The following CHD9 variants were observed in gnomAD, a reference collection of about 807,000 sequenced individuals.
CHD9 encodes the protein chromodomain helicase DNA binding protein 9, also known as ATP-dependent chromatin remodeler CHD9.
A neutral mutation model predicts 316.1 loss-of-function variants in CHD9; 77 were observed. The ratio of observed to expected loss-of-function variants is 0.24; its 90% CI spans 0.20 to 0.29. CHD9 has a LOEUF of 0.29. Among genes scored for constraint, CHD9 ranks in the 10% least tolerant of loss-of-function variants. The probability of loss-of-function intolerance (pLI) is 1.00; values close to 1 mark genes in which losing one functional copy is unlikely to be tolerated. For missense variants in CHD9, 2,763 were observed against 3,438.1 expected (o/e 0.80, Z 4.91); for synonymous variants, 1,129 against 1,158.3 (o/e 0.97, Z 0.51).
chr16:53,219,662 G>A (rs1364275154), intron 3 of CHD9, among the ~76,000 whole-genome samples: 2 of 152,172 alleles, frequency 1.3e-5, no homozygotes, highest in Non-Finnish European at 2.9e-5. Flanking sequence ...TGTTGGATTT[G>A]CCATTTTAAA....
intron 1 of CHD9, among the ~76,000 whole-genome samples, chr16:53,073,029 G>A (rs1406846560): frequency 6.6e-6 from 1 of 152,140 alleles, no homozygotes; most frequent in Non-Finnish European, 1.5e-5. Flanking sequence ...ATGGTTCTGT[G>A]ATATTAAATA....
At chr16:53,109,069 C>G (rs1413961300) in intron 1 of CHD9, among the ~76,000 whole-genome samples, 1 of 152,042 alleles carries the variant, frequency 6.6e-6, no homozygotes, top group African/African-American at 2.4e-5. Context: ...TCTGGATTGC[C>G]ACTGCTGGAA....
At chr16:53,143,353 TC>T (rs1319985784) in intron 1 of CHD9, among the ~76,000 whole-genome samples, 2 of 143,598 alleles carry the variant, frequency 1.4e-5, no homozygotes, top group African/African-American at 5.2e-5. Flanking sequence ...TTTTATTTTA[TC>T]TTATTTTATT....
Position 53,326,897 on chromosome 16 carries a change from T to C in CHD9, c.*2002T>C, listed in dbSNP as rs755744225. On this transcript the variant is annotated 3_prime_UTR_variant, in exon 39 of 39. Coordinates refer to ENST00000447540, the MANE Select transcript of CHD9 (RefSeq NM_001308319.2). ...AAAAAAAAAAAAAGGAAAAAAAATCTGTAGATCTTGTCACTAAAATCTAAT... is the reference window on the plus strand; with the variant it reads ...AAAAAAAAAAAAAGGAAAAAAAATCCGTAGATCTTGTCACTAAAATCTAAT... 2.0e-5 allele frequency: 3 copies of C among 151,930 alleles called. No homozygotes were observed. Among genetic ancestry groups the C allele is most frequent in the Admixed American group, 2.0e-4 (3 of 15,200 alleles). 9.4% of individuals were successfully genotyped at this position (151,930 alleles called of 1,614,324 possible). A position where few individuals can be genotyped will look rare whatever the true frequency, so the allele number is the denominator to read the frequency against.
At chr16:53,130,754 G>A (rs1336207328) in intron 1 of CHD9, among the ~76,000 whole-genome samples, 1 of 151,840 alleles carries the variant, frequency 6.6e-6, no homozygotes, top group Non-Finnish European at 1.5e-5. Flanking sequence ...CGCCAGGAGG[G>A]AAGGGGAGCG....
Position 53,238,422 on chromosome 16 carries a change from A to C in CHD9, c.2713A>C (p.Thr905Pro). ...SITFLYEILLTGIRGPFLIIA... is the reference protein window; with the variant it reads ...SITFLYEILLPGIRGPFLIIA... The stretch of plus-strand genomic sequence containing the variant: ...TACATTCCTCTATGAAATCCTTCTG[A>C]CTGGTATAAGAGGACCTTTCCTGAT... The change falls in exon 12 of 39, where the codon ACT becomes CCT. Residue 905 changes from threonine (T) to proline (P), a missense_variant. This residue lies in a region of CHD9 where 186 missense variants were observed against 245.0 expected (regional missense o/e 0.76). Transcript: ENST00000447540. The C allele has an allele frequency of 6.2e-7, 1 of 1,613,092 alleles. No individual in the cohort carries two copies. Among genetic ancestry groups the C allele is most frequent in the Non-Finnish European group, 8.5e-7 (1 of 1,179,248 alleles).
At chr16:53,195,221 A>T (rs1195791802) in intron 2 of CHD9, among the ~76,000 whole-genome samples, 1 of 152,228 alleles carries the variant, frequency 6.6e-6, no homozygotes, top group Non-Finnish European at 1.5e-5. Context: ...AAAGCTTGCT[A>T]CTAGTCACTA....
At chr16:53,074,048 T>C (rs1221318610) in intron 1 of CHD9, among the ~76,000 whole-genome samples, 4 of 152,248 alleles carry the variant, frequency 2.6e-5, no homozygotes, top group African/African-American at 9.6e-5. Context: ...GACAAAATAC[T>C]GATAATGATA....
At chr16:53,169,624 C>A (rs571416375) in intron 2 of CHD9, among the ~76,000 whole-genome samples, 30 of 151,988 alleles carry the variant, frequency 2.0e-4, no homozygotes, top group Admixed American at 1.8e-3. Context: ...ATTTTTATTT[C>A]TAATTTTTCT....
Position 53,144,759 on chromosome 16 carries a change from C to T in CHD9, c.-164-11167C>T, listed in dbSNP as rs186740104. ...CAGGCTGGTCTCAAACTCCTGACCT[C>T]GTGATTCGCCCACCTCAGCCTCCCA... On this transcript the variant is annotated intron_variant, in intron 1 of 38. Transcript: ENST00000447540. Among the ~76,000 whole-genome samples, 586 of 152,166 alleles carry T rather than the reference C, an allele frequency of 3.9e-3. 9 individuals are homozygous for T. Among genetic ancestry groups the T allele is most frequent in the African/African-American group, 0.014 (573 of 41,540 alleles).
At chr16:53,155,142 C>T (rs545544907) in intron 1 of CHD9, among the ~76,000 whole-genome samples, 1 of 152,302 alleles carries the variant, frequency 6.6e-6, no homozygotes, top group South Asian at 2.1e-4. Context: ...AGTAACTTCA[C>T]CTACTTAATT....
At chr16:53,277,872 A>G (rs2053012434) in intron 24 of CHD9, among the ~76,000 whole-genome samples, 1 of 152,160 alleles carries the variant, frequency 6.6e-6, no homozygotes, top group Admixed American at 6.5e-5. Flanking sequence ...AGACTCCTCC[A>G]AAAAGCTCCT....
At position 53,157,129 on chromosome 16, in the gene CHD9, G is replaced by T. The variant is rs370289002; in HGVS notation, c.1040G>T (p.Gly347Val). Reference sequence around the variant, plus strand: ...ATATTGCATTCATCACATCCTCAGGGTAATTATAGCAATTCAAAATTATCT... The same window carrying T: ...ATATTGCATTCATCACATCCTCAGGTTAATTATAGCAATTCAAAATTATCT... ...FQILHSSHPQ[G>V]NYSNSKLSPV... Residue 347 changes from glycine to valine, a missense_variant, in exon 2 of 39, where the codon GGT becomes GTT. Gly to Val is a moderately radical substitution (Grantham distance 109). Coordinates refer to ENST00000447540, the MANE Select transcript of CHD9 (RefSeq NM_001308319.2). 15 of 1,610,308 alleles carry T rather than the reference G, an allele frequency of 9.3e-6. No homozygotes were observed. The highest frequency in any genetic ancestry group is 1.3e-5 in the Non-Finnish European group (15 of 1,177,956).
intron 2 of CHD9, among the ~76,000 whole-genome samples, chr16:53,206,180 C>T (rs1043714295): frequency 6.6e-6 from 1 of 151,798 alleles, no homozygotes; most frequent in Non-Finnish European, 1.5e-5. Context: ...CTCGAACTCC[C>T]GACCTCAGGT....
At chr16:53,158,097 A>C (rs1597206891) in intron 2 of CHD9, among the ~76,000 whole-genome samples, 1 of 152,240 alleles carries the variant, frequency 6.6e-6, no homozygotes, top group African/African-American at 2.4e-5. Flanking sequence ...AAAACATGTT[A>C]AATGTTAATG....
At chr16:53,102,934 C>T (rs1384393360) in intron 1 of CHD9, among the ~76,000 whole-genome samples, 5 of 151,988 alleles carry the variant, frequency 3.3e-5, no homozygotes, top group Non-Finnish European at 7.4e-5. Flanking sequence ...CAAACTCCGC[C>T]TCCCGGGTTC....
At chr16:53,284,799 C>T (rs2053719468) in intron 24 of CHD9, among the ~76,000 whole-genome samples, 1 of 152,158 alleles carries the variant, frequency 6.6e-6, no homozygotes. Context: ...GGGTCTCATT[C>T]CCGCGGCCTG....
At chr16:53,161,919 A>C (rs2041940773) in intron 2 of CHD9, among the ~76,000 whole-genome samples, 1 of 151,770 alleles carries the variant, frequency 6.6e-6, no homozygotes, top group East Asian at 1.9e-4. Context: ...TGCCCCACTA[A>C]TTTTTGTATT....
intron 1 of CHD9, among the ~76,000 whole-genome samples, chr16:53,089,371 G>C (rs574824359): frequency 6.6e-6 from 1 of 152,344 alleles, no homozygotes; most frequent in East Asian, 1.9e-4. Context: ...TGCTTTGTAA[G>C]TCCTCAGGCA....
Sources: allele counts gnomAD v4.1 joint callset (sites outside exome capture counted in the v4.1 genomes callset), GRCh38; gene constraint gnomAD v4.1.1; regional missense constraint gnomAD v4.1.1; transcripts MANE v1.5; gene names NCBI Gene and HGNC (gene_info 2026-07-23, HGNC 2026-07-21).